The following OTC variants were observed in gnomAD, a reference collection of about 807,000 sequenced individuals.
The protein encoded by OTC is ornithine transcarbamylase, also known as ornithine transcarbamylase, mitochondrial.
A neutral mutation model predicts 30.3 loss-of-function variants in OTC; 3 were observed. The ratio of observed to expected loss-of-function variants is 0.10; its 90% CI spans 0.05 to 0.26. OTC has a LOEUF of 0.26. Among genes scored for constraint, OTC ranks in the 10% least tolerant of loss-of-function variants. The pLI is 1.00. For missense variants in OTC, 194 were observed against 260.3 expected (o/e 0.75, Z 1.75); for synonymous variants, 111 against 99.7 (o/e 1.11, Z -0.67).
At chrX:38,415,084 A>T (rs1028017606) in intron 9 of OTC, among the ~76,000 whole-genome samples, 3 of 109,877 alleles carry the variant, frequency 2.7e-5, no homozygotes, top group Non-Finnish European at 5.7e-5. Flanking sequence ...TTTTATTATT[A>T]TTTTTATTTT....
the OTC span, among the ~76,000 whole-genome samples, chrX:38,339,097 C>A: frequency 9.8e-5 from 11 of 112,048 alleles, no homozygotes; most frequent in Non-Finnish European, 2.1e-4. Flanking sequence ...TTGTCTGAAT[C>A]AGTAGTAGAA....
At chrX:38,413,765 G>A (rs958648466) in intron 9 of OTC, among the ~76,000 whole-genome samples, 5 of 108,587 alleles carry the variant, frequency 4.6e-5, no homozygotes, top group African/African-American at 1.7e-4. Context: ...TGCCTCCCGG[G>A]TTCAAGCAAT....
intron 1 of OTC, among the ~76,000 whole-genome samples, chrX:38,354,577 C>T (rs1012395158): frequency 9.0e-6 from 1 of 110,600 alleles, no homozygotes; most frequent in African/African-American, 3.3e-5. Flanking sequence ...CTGTCTATAT[C>T]CAGTAGCCAG....
At chrX:38,384,991 G>T (rs1287602943) in intron 4 of OTC, among the ~76,000 whole-genome samples, 1 of 111,687 alleles carries the variant, frequency 9.0e-6, no homozygotes, top group African/African-American at 3.3e-5. Context: ...AAGGCTGGGT[G>T]CGGTGGCTCA....
chrX:38,349,602 A>G (rs2068204750), upstream of OTC, among the ~76,000 whole-genome samples: 1 of 112,820 alleles, frequency 8.9e-6, no homozygotes, highest in Non-Finnish European at 1.9e-5. Context: ...CAGATGCCGG[A>G]ACCATTCTGT....
At chrX:38,406,178 G>GT (rs1395792151) in intron 6 of OTC, among the ~76,000 whole-genome samples, 1 of 111,864 alleles carries the variant, frequency 8.9e-6, no homozygotes, top group Non-Finnish European at 1.9e-5. Context: ...CCATCAATTT[G>GT]TAAGTCTTCA....
chrX:38,331,159 A>G, the OTC span, among the ~76,000 whole-genome samples: 1 of 112,241 alleles, frequency 8.9e-6, no homozygotes, highest in Admixed American at 9.4e-5. Flanking sequence ...TAATAATTTA[A>G]GCCAGGAGGA....
In OTC at chrX:38,408,815, A is replaced by G. The variant is rs760983656; in HGVS notation, c.717+20A>G. On this transcript the variant is annotated intron_variant, in intron 7 of 9. Coordinates refer to ENST00000039007, the MANE Select transcript of OTC (RefSeq NM_000531.6). ...AAAGAGGTATGCTCTTTACATGTAA[A>G]GCTATTATTGCCTTTTACTGTCCCA... 2.5e-6 allele frequency: 3 copies of G among 1,206,307 alleles called. No homozygotes were observed. In the South Asian group the frequency reaches 5.3e-5, roughly 21 times the overall value.
At chrX:38,409,839 A>G (rs766689353) in intron 8 of OTC, among the ~76,000 whole-genome samples, 1 of 112,401 alleles carries the variant, frequency 8.9e-6, no homozygotes, top group East Asian at 2.8e-4. Flanking sequence ...TTATTGTTAT[A>G]TATAAAATAG....
At chrX:38,356,818 C>T (rs889141152) in intron 1 of OTC, among the ~76,000 whole-genome samples, 1 of 111,587 alleles carries the variant, frequency 9.0e-6, no homozygotes, top group Non-Finnish European at 1.9e-5. Flanking sequence ...TAATTTATAT[C>T]ACATATGGGT....
intron 4 of OTC, among the ~76,000 whole-genome samples, chrX:38,390,579 C>T (rs2068424472): frequency 8.9e-6 from 1 of 112,302 alleles, no homozygotes; most frequent in Non-Finnish European, 1.9e-5. Context: ...GTTTAGAGGG[C>T]ATGCAGTCTG....
intron 9 of OTC, among the ~76,000 whole-genome samples, chrX:38,418,125 C>G (rs1038796729): frequency 1.8e-5 from 2 of 111,510 alleles, no homozygotes; most frequent in African/African-American, 3.3e-5. Flanking sequence ...GAGATCCCCC[C>G]CTCTCTGCAT....
chrX:38,397,412 T>C, intron 4 of OTC, among the ~76,000 whole-genome samples: 1 of 111,970 alleles, frequency 8.9e-6, no homozygotes, highest in South Asian at 3.8e-4. Flanking sequence ...TCTGATTTTA[T>C]TCTGCCCAAT....
rs1218297443 is a variant in OTC, at chrX:38,408,958, G to A, written c.800G>A (p.Ser267Asn). 2.5e-6 allele frequency: 3 copies of A among 1,209,137 alleles called. No homozygotes were observed. Among genetic ancestry groups the A allele is most frequent in the Non-Finnish European group, 3.4e-6 (3 of 894,498 alleles). ...GTATTAATTACAGACACTTGGATAA[G>A]CATGGGACAAGAAGAGGAGAAGAAA... Reference protein sequence around the residue: ...GNVLITDTWISMGQEEEKKKR... With the variant: ...GNVLITDTWINMGQEEEKKKR... The change falls in exon 8 of 10, where the codon AGC (serine) becomes AAC (asparagine). Residue 267 changes from serine (S) to asparagine (N), a missense_variant. By Grantham distance (46) the Ser-to-Asn change is conservative. Transcript: ENST00000039007.
rs756096405 is a variant in OTC at position 38,403,733 on chromosome X, C to T, written c.656C>T (p.Thr219Ile). ...TTCGGAATGCACCTTCAGGCAGCTA[C>T]TCCAAAGGTAGGGAAACTTTTTGCC... ...AKFGMHLQAA[T>I]PKGYEPDASV... Residue 219 changes from threonine to isoleucine, a missense_variant, in exon 6 of 10, where the codon ACT (threonine) becomes ATT (isoleucine). Thr to Ile is a moderately conservative substitution (Grantham distance 89). Coordinates refer to ENST00000039007, the MANE Select transcript of OTC (RefSeq NM_000531.6). 1 of 1,210,921 alleles carries T rather than the reference C, an allele frequency of 8.3e-7. No individual in the cohort carries two copies.
chrX:38,388,411 G>T (rs1256751270), intron 4 of OTC, among the ~76,000 whole-genome samples: 1 of 110,716 alleles, frequency 9.0e-6, no homozygotes, highest in African/African-American at 3.3e-5. Flanking sequence ...TTTACCAGGT[G>T]CTCTACTGGG....
rs1175981582 is a variant in OTC, at chrX:38,398,508, C to T, written c.387-2767C>T. Among the ~76,000 whole-genome samples the T allele has an allele frequency of 4.5e-5, 5 of 111,612 alleles. No individual in the cohort carries two copies. The Admixed American group carries it at 4.8e-4, about 11-fold the overall frequency. ...AGGTCAACTGCAGTGTTAATCCAGA[C>T]TTTTTTTATTTGTCTGTACACACTT... is the stretch of plus-strand genomic sequence containing the variant. On this transcript the variant is annotated intron_variant, in intron 4 of 9. Transcript: ENST00000039007.
chrX:38,375,151 A>G (rs1245005908), intron 3 of OTC, among the ~76,000 whole-genome samples: 1 of 112,027 alleles, frequency 8.9e-6, no homozygotes, highest in Admixed American at 9.5e-5. Flanking sequence ...CCATGCCTTC[A>G]TGGGGCTTAC....
intron 6 of OTC, among the ~76,000 whole-genome samples, chrX:38,404,891 G>A (rs980107060): frequency 1.8e-5 from 2 of 111,652 alleles, no homozygotes; most frequent in East Asian, 2.8e-4. Flanking sequence ...GTCCCATGTC[G>A]TGCACAGTCC....
Sources: gnomAD v4.1 joint callset for allele counts (sites outside exome capture counted in the v4.1 genomes callset) on GRCh38, gnomAD v4.1.1 for gene constraint, MANE v1.5 for transcripts, NCBI Gene and HGNC (gene_info 2026-07-23, HGNC 2026-07-21) for gene names.